MRO: variants seen among roughly 807,000 people sequenced by gnomAD.
MRO encodes protein maestro.
Under a neutral mutation model 31.0 loss-of-function variants are expected in MRO, and 28 were observed. The observed-to-expected ratio is 0.90, with a 90% CI of 0.67 to 1.24. The LOEUF (loss-of-function observed/expected upper bound fraction) is 1.24. MRO is among the 50% of genes most tolerant of loss of function. MRO has a pLI of 0.00. For missense variants in MRO, 332 were observed against 289.2 expected (o/e 1.15, Z -1.07); for synonymous variants, 108 against 108.4 (o/e 1.00, Z 0.02).
At position 50,809,382 on chromosome 18, in the gene MRO, TC is replaced by T; in HGVS notation, c.18del (p.Arg7GlufsTer21). On this transcript the variant is annotated frameshift_variant, in exon 3 of 8. Coordinates refer to ENST00000398439, the MANE Select transcript of MRO (RefSeq NM_031939.6). LOFTEE classifies it high-confidence loss of function. MDQRQ[R>X]RILGQPLSIP... ...ATGGAAAGGGGCTGGCCCAGGATTC[TC>T]CTCTGTCTTTGGTCCATGGAACTAA... 1 of 1,613,512 alleles carries T rather than the reference TC, an allele frequency of 6.2e-7. No individual in the cohort carries two copies. Among genetic ancestry groups the T allele is most frequent in the Non-Finnish European group, 8.5e-7 (1 of 1,179,682 alleles).
intron 3 of MRO, among the ~76,000 whole-genome samples, chr18:50,807,957 ATGCC>A (rs1914104069): frequency 6.6e-6 from 1 of 152,188 alleles, no homozygotes; most frequent in African/African-American, 2.4e-5. Flanking sequence ...ATGGTGGCGA[ATGCC>A]TGTGATCCCA....
At chr18:50,813,283 T>C (rs1914618028) in intron 2 of MRO, among the ~76,000 whole-genome samples, 1 of 152,210 alleles carries the variant, frequency 6.6e-6, no homozygotes. Context: ...TTCTCACCAC[T>C]GCAATGGGGC....
rs959967212 is a variant in MRO, at chr18:50,796,885, A to G, written c.*2452T>C. ...GGTATGGTGAGAAACAGAAACAAACAAACAAAAAAACATAGTCCCTTGCTC... is the reference window on the plus strand; with the variant it reads ...GGTATGGTGAGAAACAGAAACAAACGAACAAAAAAACATAGTCCCTTGCTC... On this transcript the variant is annotated 3_prime_UTR_variant, in exon 8 of 8. Coordinates refer to ENST00000398439, the MANE Select transcript of MRO (RefSeq NM_031939.6). The G allele has an allele frequency of 6.6e-6, 1 of 152,084 alleles. No individual in the cohort carries two copies. Among genetic ancestry groups the G allele is most frequent in the Non-Finnish European group, 1.5e-5 (1 of 67,992 alleles). The allele number at this position is 152,084 out of a possible 1,614,324, so 9.4% of individuals were successfully genotyped here.
intron 5 of MRO, among the ~76,000 whole-genome samples, chr18:50,802,916 AGTGTGTGTGT>A (rs71735972): frequency 6.9e-6 from 1 of 144,606 alleles, no homozygotes; most frequent in Non-Finnish European, 1.5e-5. Context: ...GTGTGTGTGT[AGTGTGTGTGT>A]GTGTGTGTGT....
At position 50,799,860 on chromosome 18, in the gene MRO, A is replaced by G. The variant is rs147536712; in HGVS notation, c.693+176T>C. Among the ~76,000 whole-genome samples, 567 of 152,350 alleles carry G rather than the reference A, an allele frequency of 3.7e-3. 4 individuals carry two copies. Among genetic ancestry groups the G allele is most frequent in the African/African-American group, 0.013 (524 of 41,582 alleles). On this transcript the variant is annotated intron_variant, in intron 7 of 7. Transcript: ENST00000398439. ...TGGGAGGTGAAGGCTGCAGTGAGCC[A>G]AGATGGTGCCACTGCACTTGCTCTT...
chr18:50,809,210 A>T, intron 3 of MRO, 92 bp downstream of exon 3: 1 of 652,038 alleles, frequency 1.5e-6, no homozygotes, highest in Non-Finnish European at 2.5e-6. Flanking sequence ...ACTTCAGTGG[A>T]GCAGGCCTAA....
At chr18:50,809,773 G>C (rs1164626307) in intron 2 of MRO, among the ~76,000 whole-genome samples, 2 of 152,198 alleles carry the variant, frequency 1.3e-5, no homozygotes, top group African/African-American at 4.8e-5. Flanking sequence ...AGTTCTCTGA[G>C]AATGTAAATC....
rs919104274 is a variant in MRO at position 50,796,247 on chromosome 18, C to T, written c.*3090G>A. 10 of 152,228 alleles carry T rather than the reference C, an allele frequency of 6.6e-5. 1 individual carries two copies. The East Asian group carries it at 1.9e-3, about 29-fold the overall frequency. The allele number at this position is 152,228 out of a possible 1,614,324, so 9.4% of individuals were successfully genotyped here. A position where few individuals can be genotyped will look rare whatever the true frequency, so the allele number is the denominator to read the frequency against. On this transcript the variant is annotated 3_prime_UTR_variant, in exon 8 of 8. Coordinates refer to ENST00000398439, the MANE Select transcript of MRO (RefSeq NM_031939.6). Reference sequence around the variant, plus strand: ...GGTGACCCTCATTTGTCAAAATGGGCTCCTCCCAGTAAGGAATGACAGCTT... The same window carrying T: ...GGTGACCCTCATTTGTCAAAATGGGTTCCTCCCAGTAAGGAATGACAGCTT...
intron 3 of MRO, among the ~76,000 whole-genome samples, chr18:50,807,843 CGAGGCAGGCGGATCGCCT>C (rs1914094109): frequency 6.6e-6 from 1 of 152,144 alleles, no homozygotes; most frequent in African/African-American, 2.4e-5. Flanking sequence ...TTTGGGAGGC[CGAGGCAGGCGGATCGCCT>C]GAGGTCAGGA....
At chr18:50,820,473 C>T (rs1026782466), upstream of MRO, among the ~76,000 whole-genome samples, 2 of 152,146 alleles carry the variant, frequency 1.3e-5, no homozygotes, top group Non-Finnish European at 1.5e-5. Flanking sequence ...GTTATCGTCT[C>T]GCTCTGCATT....
upstream of MRO, among the ~76,000 whole-genome samples, chr18:50,824,696 C>T (rs1339695375): frequency 1.5e-4 from 22 of 149,590 alleles, no homozygotes; most frequent in East Asian, 2.2e-3. Context: ...CCTTGTGATC[C>T]GCCCACCTCG....
chr18:50,800,426 C>T (rs746973433), intron 6 of MRO, among the ~76,000 whole-genome samples: 9 of 152,222 alleles, frequency 5.9e-5, no homozygotes, highest in Non-Finnish European at 1.3e-4. Context: ...TTTAATCTCT[C>T]TCTCAGTAAC....
intron 6 of MRO, among the ~76,000 whole-genome samples, chr18:50,800,854 C>T (rs184391337): frequency 6.8e-6 from 1 of 147,846 alleles, no homozygotes; most frequent in Non-Finnish European, 1.5e-5. Flanking sequence ...CCACTGCACT[C>T]CAGCCTGGGC....
intron 3 of MRO, among the ~76,000 whole-genome samples, chr18:50,808,752 G>A (rs1330796413): frequency 1.3e-5 from 2 of 151,458 alleles, no homozygotes; most frequent in Non-Finnish European, 2.9e-5. Context: ...ACCACACCCG[G>A]CCTCATTCCA....
At position 50,797,348 on chromosome 18, in the gene MRO, G is replaced by A. The variant is rs1334609197; in HGVS notation, c.*1989C>T. ...AGCTGGCTTCCCCCACAATTCAAAC[G>A]AGGAAACTGCCAGGGTTTCTATGCC... On this transcript the variant is annotated 3_prime_UTR_variant, in exon 8 of 8. Transcript: ENST00000398439. 6.6e-6 allele frequency: 1 copy of A among 152,168 alleles called. No homozygotes were observed. Among genetic ancestry groups the A allele is most frequent in the Non-Finnish European group, 1.5e-5 (1 of 68,050 alleles). The allele number at this position is 152,168 out of a possible 1,614,324, so 9.4% of individuals were successfully genotyped here. A position where few individuals can be genotyped will look rare whatever the true frequency, so the allele number is the denominator to read the frequency against.
intron 5 of MRO, among the ~76,000 whole-genome samples, chr18:50,802,667 A>T (rs1913461184): frequency 6.6e-6 from 1 of 152,192 alleles, no homozygotes; most frequent in African/African-American, 2.4e-5. Context: ...TATCTTTAAA[A>T]AATTTAGCAC....
At chr18:50,817,449 C>T (rs779375886) in intron 2 of MRO, among the ~76,000 whole-genome samples, 135 of 151,892 alleles carry the variant, frequency 8.9e-4, no homozygotes, top group Non-Finnish European at 1.3e-3. Context: ...GCCATGATTG[C>T]GCCACTGCAC....
chr18:50,800,743 G>A (rs2144580794), intron 6 of MRO, among the ~76,000 whole-genome samples: 1 of 152,080 alleles, frequency 6.6e-6, no homozygotes, highest in East Asian at 1.9e-4. Context: ...AAAATTAGCA[G>A]GGCGTGGTGG....
chr18:50,822,659 T>TCC (rs1193750410), upstream of MRO, among the ~76,000 whole-genome samples: 2 of 151,892 alleles, frequency 1.3e-5, no homozygotes, highest in African/African-American at 4.8e-5. Context: ...TTAAGTTTCC[T>TCC]CCCTCTCATC....
Sources: gnomAD v4.1 joint callset for allele counts (sites outside exome capture counted in the v4.1 genomes callset) on GRCh38, gnomAD v4.1.1 for gene constraint, MANE v1.5 for transcripts, NCBI Gene and HGNC (gene_info 2026-07-23, HGNC 2026-07-21) for gene names.